Variants in ZNF37A observed in about 807,000 individuals in gnomAD.
ZNF37A encodes the protein zinc finger protein 37a (KOX 21).
A neutral mutation model predicts 12.3 loss-of-function variants in ZNF37A; 10 were observed. The observed-to-expected ratio is 0.82, with a 90% CI of 0.50 to 1.38. The LOEUF (loss-of-function observed/expected upper bound fraction) is 1.38. Among genes scored for constraint, ZNF37A ranks in the 40% most tolerant of loss-of-function variants. The pLI is 0.00. For synonymous variants in ZNF37A, 207 were observed against 223.0 expected, an observed-to-expected ratio of 0.93 and a Z score of 0.64; for missense variants, 580 against 651.2, an observed-to-expected ratio of 0.89 and a Z score of 1.19.
In ZNF37A at chr10:38,112,802, T is replaced by TCTCGGTCTCGGTCTCGGTCTCG. The variant is rs1554929974; in HGVS notation, c.16-1953_16-1952insCTCGGTCTCGGTCTCGGTCTCG. ...TTTCTTTTCTTTTCTTTTCTTGTCT[T>TCTCGGTCTCGGTCTCGGTCTCG]GTCTTGTCTTCTTTTCTTTTCTTTC... On this transcript the variant is annotated intron_variant, in intron 5 of 7. Transcript: ENST00000685332. Among the ~76,000 whole-genome samples the TCTCGGTCTCGGTCTCGGTCTCG allele has an allele frequency of 1.2e-4, 8 of 69,078 alleles. 1 individual carries two copies. The highest frequency in any genetic ancestry group is 1.9e-4 in the Non-Finnish European group (6 of 31,140). 45.3% of individuals were successfully genotyped at this position (69,078 alleles called of 152,430 possible).
intron 7 of ZNF37A, among the ~76,000 whole-genome samples, chr10:38,136,834 T>TA (rs1387607834): frequency 6.6e-6 from 1 of 152,210 alleles, no homozygotes; most frequent in Non-Finnish European, 1.5e-5. Flanking sequence ...CTTCAGTTTT[T>TA]ATCACTTTTT....
At chr10:38,148,462 C>T (rs1222489622) in exon 8 of ZNF37A, 2 of 152,204 alleles carry the variant, frequency 1.3e-5, no homozygotes, top group Admixed American at 6.5e-5. Flanking sequence ...GATGCCTGAG[C>T]ATTTACCAGG....
chr10:38,138,736 T>C (rs1381308817), intron 7 of ZNF37A: 1 of 152,176 alleles, frequency 6.6e-6, no homozygotes, highest in Non-Finnish European at 1.5e-5. Context: ...GAGTCTGAAA[T>C]TCAAATTTCC....
At chr10:38,112,657 T>C (rs553322999) in intron 5 of ZNF37A, among the ~76,000 whole-genome samples, 1 of 152,080 alleles carries the variant, frequency 6.6e-6, no homozygotes, top group Admixed American at 6.5e-5. Context: ...TTATCTATTT[T>C]TCCAGTTTTT....
At position 38,114,942 on chromosome 10, in the gene ZNF37A, A is replaced by G; in HGVS notation, c.142+61A>G. On this transcript the variant is annotated intron_variant, in intron 6 of 7. Coordinates refer to ENST00000685332, the MANE Select transcript of ZNF37A (RefSeq NM_001324250.3). ...ATGCATGTCCTTTCTTATCAATAGA[A>G]ACTTGTGGAACTTTTGTAAAATATA... is the stretch of plus-strand genomic sequence containing the variant. 7.8e-6 allele frequency: 12 copies of G among 1,530,698 alleles called. No individual in the cohort carries two copies. The South Asian group carries it at 1.5e-4, about 19-fold the overall frequency. The allele number at this position is 1,530,698 out of a possible 1,614,324, so 94.8% of individuals were successfully genotyped here. A position where few individuals can be genotyped will look rare whatever the true frequency, so the allele number is the denominator to read the frequency against.
intron 6 of ZNF37A, 47 bp downstream of exon 6, chr10:38,114,928 T>C: frequency 6.4e-7 from 1 of 1,555,826 alleles, no homozygotes; most frequent in East Asian, 2.3e-5. Context: ...TGCATGTCCT[T>C]TCTTATCAAT....
chr10:38,140,615 T>C (rs1258868591), intron 7 of ZNF37A: 4 of 152,202 alleles, frequency 2.6e-5, no homozygotes, highest in Non-Finnish European at 4.4e-5. Flanking sequence ...TAGAGATTGA[T>C]AGATGATGTA....
intron 7 of ZNF37A, among the ~76,000 whole-genome samples, chr10:38,132,761 C>A (rs559038383): frequency 6.6e-6 from 1 of 151,740 alleles, no homozygotes; most frequent in Non-Finnish European, 1.5e-5. Flanking sequence ...GAGATGTAAC[C>A]CCATGGTAAC....
At chr10:38,112,188 A>G (rs1249297410) in intron 5 of ZNF37A, among the ~76,000 whole-genome samples, 2 of 151,840 alleles carry the variant, frequency 1.3e-5, no homozygotes, top group African/African-American at 4.8e-5. Flanking sequence ...TTATTTGCAA[A>G]TTGGCTCTGT....
At chr10:38,102,270 T>C (rs563590648) in intron 5 of ZNF37A, among the ~76,000 whole-genome samples, 2 of 152,234 alleles carry the variant, frequency 1.3e-5, no homozygotes, top group Non-Finnish European at 2.9e-5. Flanking sequence ...AGTTTTTCTG[T>C]GTATGCCTTC....
chr10:38,132,389 A>T (rs1280403065), intron 7 of ZNF37A, among the ~76,000 whole-genome samples: 1 of 152,068 alleles, frequency 6.6e-6, no homozygotes, highest in African/African-American at 2.4e-5. Context: ...TCTTCTATTA[A>T]TAATATGTAT....
chr10:38,105,522 T>C (rs555505133), intron 5 of ZNF37A, among the ~76,000 whole-genome samples: 1 of 152,346 alleles, frequency 6.6e-6, no homozygotes, highest in South Asian at 2.1e-4. Flanking sequence ...AAAAATAAAA[T>C]TTCTGATTAT....
intron 5 of ZNF37A, among the ~76,000 whole-genome samples, chr10:38,108,499 A>G (rs1307953755): frequency 1.3e-5 from 2 of 152,154 alleles, no homozygotes; most frequent in Non-Finnish European, 2.9e-5. Flanking sequence ...TAAGAGCAGA[A>G]CTGACGGAGA....
chr10:38,142,703 AT>A (rs1417904428), intron 7 of ZNF37A: 2 of 152,164 alleles, frequency 1.3e-5, no homozygotes, highest in Non-Finnish European at 2.9e-5. Flanking sequence ...CTGTTTTAGA[AT>A]GTATGGGTTT....
chr10:38,148,153 TCTG>T (rs1390614266), exon 8 of ZNF37A: 20 of 143,974 alleles, frequency 1.4e-4, no homozygotes, highest in African/African-American at 5.1e-4. Flanking sequence ...TTATTGAACA[TCTG>T]GAGAGACAGG....
chr10:38,129,555 A>G (rs1290464816), downstream of ZNF37A, among the ~76,000 whole-genome samples: 4 of 152,222 alleles, frequency 2.6e-5, no homozygotes, highest in East Asian at 7.7e-4. Context: ...TTAAAAAACT[A>G]TAACTTGGCT....
chr10:38,125,489 C>G (rs1438109194), downstream of ZNF37A: 5 of 151,952 alleles, frequency 3.3e-5, no homozygotes, highest in African/African-American at 9.7e-5. Flanking sequence ...TGCAACATGC[C>G]CCTACTGCAT....
At chr10:38,139,546 T>G (rs1355513121) in intron 7 of ZNF37A, 1 of 152,200 alleles carries the variant, frequency 6.6e-6, no homozygotes, top group African/African-American at 2.4e-5. Flanking sequence ...TTTTGTATTT[T>G]TAGTAGAGAC....
At position 38,120,836 on chromosome 10, in the gene ZNF37A, AG is replaced by A. The variant is rs1487995054; in HGVS notation, c.*2001del. On this transcript the variant is annotated 3_prime_UTR_variant, in exon 8 of 8. Coordinates refer to ENST00000685332, the MANE Select transcript of ZNF37A (RefSeq NM_001324250.3). Reference sequence around the variant, plus strand: ...CCAGATGTCTCATGCTGCATAGGGCAGGAGCCTGAAAAGCTAATTTGAGAAG... The same window carrying A: ...CCAGATGTCTCATGCTGCATAGGGCAGAGCCTGAAAAGCTAATTTGAGAAG... The A allele has an allele frequency of 6.6e-6, 1 of 152,266 alleles. No individual in the cohort carries two copies. The highest frequency in any genetic ancestry group is 1.5e-5 in the Non-Finnish European group (1 of 68,050). The allele number at this position is 152,266 out of a possible 1,614,324, so 9.4% of individuals were successfully genotyped here.
Sources: allele counts gnomAD v4.1 joint callset (sites outside exome capture counted in the v4.1 genomes callset), GRCh38; gene constraint gnomAD v4.1.1; transcripts MANE v1.5; gene names NCBI Gene and HGNC (gene_info 2026-07-23, HGNC 2026-07-21).